Variants in RASL10A observed in about 807,000 individuals in gnomAD.
RASL10A encodes RAS like family 10 member A, also known as ras-like protein family member 10A.
In RASL10A, 13 loss-of-function variants were observed where a neutral mutation model predicts 17.3. That is an observed-to-expected ratio of 0.75 (90% CI 0.49 to 1.20). RASL10A has a LOEUF of 1.20. RASL10A is among the 50% of genes most tolerant of loss of function. The probability of loss-of-function intolerance (pLI) is 0.00; values close to 1 mark genes in which losing one functional copy is unlikely to be tolerated. For synonymous variants in RASL10A, 159 were observed against 142.2 expected (o/e 1.12, Z -0.84); for missense variants, 307 against 310.3 (o/e 0.99, Z 0.08).
chr22:29,313,427 C>A lies in RASL10A; in HGVS notation c.486G>T (p.Lys162Asn), dbSNP rs1223582181. 7 of 1,541,328 alleles carry A rather than the reference C, an allele frequency of 4.5e-6. No individual in the cohort carries two copies. The highest frequency in any genetic ancestry group is 6.1e-6 in the Non-Finnish European group (7 of 1,146,902). The change falls in exon 3 of 3, where the codon AAG (lysine) becomes AAT (asparagine). Residue 162 changes from lysine (K) to asparagine (N), a missense_variant. Physicochemically the swap from Lys to Asn is moderately conservative, Grantham distance 94. Coordinates refer to ENST00000216101, the MANE Select transcript of RASL10A (RefSeq NM_006477.5). Reference sequence around the variant, plus strand: ...AGAGACGCAGCACGTGCCAGTTGTACTTGGCGGAGCACTCGAGGTAGCCGC... The same window carrying A: ...AGAGACGCAGCACGTGCCAGTTGTAATTGGCGGAGCACTCGAGGTAGCCGC... Reference protein sequence around the residue: ...WRCGYLECSAKYNWHVLRLFR... With the variant: ...WRCGYLECSANYNWHVLRLFR...
upstream of RASL10A, among the ~76,000 whole-genome samples, chr22:29,318,752 C>T (rs890448513): frequency 8.5e-5 from 13 of 152,200 alleles, no homozygotes; most frequent in Non-Finnish European, 1.5e-5. Context: ...CCTGGGCACT[C>T]CTTGAATGCC....
chr22:29,314,373 A>C, intron 1 of RASL10A: 3 of 192,894 alleles, frequency 1.6e-5, no homozygotes, highest in East Asian at 1.4e-4. Flanking sequence ...GTCAGCTGTA[A>C]CCGTTTATGA....
upstream of RASL10A, among the ~76,000 whole-genome samples, chr22:29,318,786 C>A (rs916101434): frequency 6.6e-6 from 1 of 152,244 alleles, no homozygotes; most frequent in African/African-American, 2.4e-5. Flanking sequence ...CCAGGGACCA[C>A]CTGCCAACTA....
upstream of RASL10A, among the ~76,000 whole-genome samples, chr22:29,317,508 G>T (rs909844870): frequency 6.6e-6 from 1 of 152,154 alleles, no homozygotes; most frequent in Non-Finnish European, 1.5e-5. Context: ...AAAAGTGCGA[G>T]GATTACAGGC....
upstream of RASL10A, among the ~76,000 whole-genome samples, chr22:29,316,371 G>A (rs1167935722): frequency 6.6e-6 from 1 of 152,212 alleles, no homozygotes; most frequent in Non-Finnish European, 1.5e-5. Context: ...AGGGTGCCGA[G>A]ACCACAGCAG....
chr22:29,313,616 A>T, intron 2 of RASL10A, 48 bp from the exon 3 acceptor site: 1 of 1,486,916 alleles, frequency 6.7e-7, no homozygotes, highest in Non-Finnish European at 8.9e-7. Flanking sequence ...ACGGCCGGAG[A>T]ATTCCCCCAG....
chr22:29,315,303 C>A lies in RASL10A; in HGVS notation c.-57G>T, dbSNP rs1440755457. Reference sequence around the variant, plus strand: ...AAAGCCTCATGGGCCGGCGCCGCACCGTGCGCCCCCAGGCCGTGCGCCCCG... The same window carrying A: ...AAAGCCTCATGGGCCGGCGCCGCACAGTGCGCCCCCAGGCCGTGCGCCCCG... On this transcript the variant is annotated 5_prime_UTR_variant, in exon 1 of 3. Coordinates refer to ENST00000216101, the MANE Select transcript of RASL10A (RefSeq NM_006477.5). This position sits in a 1 kb window ranked among gnomAD's most constrained non-coding sequence, Gnocchi z 5.5. 3.9e-6 allele frequency: 5 copies of A among 1,282,430 alleles called. No homozygotes were observed. Among genetic ancestry groups the A allele is most frequent in the African/African-American group, 1.6e-5 (1 of 63,200 alleles). 79.4% of individuals were successfully genotyped at this position (1,282,430 alleles called of 1,614,324 possible).
At chr22:29,316,483 C>G (rs149017443), upstream of RASL10A, among the ~76,000 whole-genome samples, 1 of 152,226 alleles carries the variant, frequency 6.6e-6, no homozygotes, top group African/African-American at 2.4e-5. Flanking sequence ...ACCTTTCCTG[C>G]GTGAGTTGCA....
intron 2 of RASL10A, 113 bp from the exon 3 acceptor site, chr22:29,313,681 C>CA (rs928873276): frequency 4.9e-6 from 7 of 1,418,346 alleles, no homozygotes; most frequent in Admixed American, 2.7e-5. Flanking sequence ...ACCGCCCCCC[C>CA]CGCCGCCCCA....
chr22:29,313,665 A>G, intron 2 of RASL10A, 97 bp from the exon 3 acceptor site: 1 of 1,423,944 alleles, frequency 7.0e-7, no homozygotes, highest in African/African-American at 1.4e-5. Context: ...TCCTACGGCC[A>G]GAGACACCGC....
upstream of RASL10A, among the ~76,000 whole-genome samples, chr22:29,316,484 G>A (rs1438736805): frequency 6.6e-6 from 1 of 152,178 alleles, no homozygotes; most frequent in African/African-American, 2.4e-5. Flanking sequence ...CCTTTCCTGC[G>A]TGAGTTGCAA....
chr22:29,313,669 ACACCGCCCCCCC>A (rs2147910311), intron 2 of RASL10A, 101 bp from the exon 3 acceptor site: 2 of 1,416,726 alleles, frequency 1.4e-6, no homozygotes, highest in Non-Finnish European at 1.9e-6. Flanking sequence ...ACGGCCAGAG[ACACCGCCCCCCC>A]CGCCGCCCCA....
Position 29,313,919 on chromosome 22 carries a change from G to T in RASL10A, c.288C>A (p.Cys96Ter). 1 of 1,614,014 alleles carries T rather than the reference G, an allele frequency of 6.2e-7. No homozygotes were observed. Among genetic ancestry groups the T allele is most frequent in the African/African-American group, 1.3e-5 (1 of 75,072 alleles). The stretch of plus-strand genomic sequence containing the variant: ...TCACGTAGTCGAAACTGTCCGGGCT[G>T]CAGATGTCGTAGACGAGCACGAAGG... ...TDAFVLVYDICSPDSFDYVKA... is the reference protein window; with the variant it reads ...TDAFVLVYDI The change falls in exon 2 of 3, where the codon TGC becomes TGA. Residue 96 changes from cysteine to a stop codon, truncating the protein, a stop_gained. Coordinates refer to ENST00000216101, the MANE Select transcript of RASL10A (RefSeq NM_006477.5). LOFTEE classifies it high-confidence loss of function.
chr22:29,313,600 G>T (rs774113754), intron 2 of RASL10A, 32 bp from the exon 3 acceptor site: 5 of 1,503,846 alleles, frequency 3.3e-6, no homozygotes, highest in East Asian at 4.6e-5. Context: ...GAGACGCGGG[G>T]ACCCCACGGC....
upstream of RASL10A, among the ~76,000 whole-genome samples, chr22:29,318,715 C>T (rs1054259463): frequency 3.9e-5 from 6 of 152,210 alleles, no homozygotes; most frequent in Admixed American, 2.0e-4. Context: ...CTGCTGCCCC[C>T]CTCCAATCCC....
upstream of RASL10A, chr22:29,315,834 A>C (rs1253705008): frequency 6.6e-6 from 1 of 151,418 alleles, no homozygotes; most frequent in Non-Finnish European, 1.5e-5. The surrounding 1 kb of genome is among the most constrained non-coding windows in gnomAD (Gnocchi z 5.5). Context: ...TGGGGGACAG[A>C]GATCCCGGAG....
chr22:29,314,810 A>T (rs2061443128), intron 1 of RASL10A, among the ~76,000 whole-genome samples: 1 of 151,958 alleles, frequency 6.6e-6, no homozygotes, highest in Non-Finnish European at 1.5e-5. Flanking sequence ...GGAGCAAGGG[A>T]ACGCCCCTGG....
rs1403221466 is a variant in RASL10A at position 29,315,288 on chromosome 22, G to A, written c.-42C>T. On this transcript the variant is annotated 5_prime_UTR_variant, in exon 1 of 3. Transcript: ENST00000216101. This position sits in a 1 kb window ranked among gnomAD's most constrained non-coding sequence, Gnocchi z 5.5. ...CGCTCCCCGCGCTGGAAAGCCTCATGGGCCGGCGCCGCACCGTGCGCCCCC... is the reference window on the plus strand; with the variant it reads ...CGCTCCCCGCGCTGGAAAGCCTCATAGGCCGGCGCCGCACCGTGCGCCCCC... The A allele has an allele frequency of 3.6e-6, 5 of 1,385,444 alleles. No individual in the cohort carries two copies. The highest frequency in any genetic ancestry group is 3.7e-6 in the Non-Finnish European group (4 of 1,070,878). 85.8% of individuals were successfully genotyped at this position (1,385,444 alleles called of 1,614,324 possible).
intron 2 of RASL10A, 124 bp from the exon 3 acceptor site, chr22:29,313,692 A>C: frequency 1.4e-6 from 2 of 1,414,272 alleles, no homozygotes; most frequent in Non-Finnish European, 1.9e-6. Flanking sequence ...CGCCGCCCCA[A>C]CGAAACCCCA....
Sources: allele counts gnomAD v4.1 joint callset (sites outside exome capture counted in the v4.1 genomes callset), GRCh38; gene constraint gnomAD v4.1.1; non-coding constraint Gnocchi (gnomAD v3.1); transcripts MANE v1.5; gene names NCBI Gene and HGNC (gene_info 2026-07-23, HGNC 2026-07-21).